Variants in GRB14 observed in about 807,000 individuals in gnomAD.
The protein encoded by GRB14 is growth factor receptor bound protein 14.
A neutral mutation model predicts 69.1 loss-of-function variants in GRB14; 38 were observed. The observed-to-expected ratio is 0.55, with a 90% CI of 0.42 to 0.72. GRB14 has a LOEUF of 0.72. Ranked by LOEUF, GRB14 falls within the 30% of genes least tolerant of loss-of-function variation. The probability of loss-of-function intolerance (pLI) is 0.00; values close to 1 mark genes in which losing one functional copy is unlikely to be tolerated. For synonymous variants in GRB14, 247 were observed against 241.3 expected, an observed-to-expected ratio of 1.02 and a Z score of -0.22; for missense variants, 666 against 666.1, an observed-to-expected ratio of 1.00 and a Z score of 0.00.
In GRB14 at chr2:164,508,474, G is replaced by T; in HGVS notation, c.1004C>A (p.Thr335Asn). The stretch of plus-strand genomic sequence containing the variant: ...GATTACCTTAAGCAATCTAATCGCG[G>T]TCACCCAGCACGTCCTACTCTGCTC... ...EEEQSRTCWV[T>N]AIRLLKYGMQ... Residue 335 changes from threonine to asparagine, a missense_variant, in exon 8 of 14, where the codon ACC becomes AAC. Physicochemically the swap from Thr to Asn is moderately conservative, Grantham distance 65. Coordinates refer to ENST00000263915, the MANE Select transcript of GRB14 (RefSeq NM_004490.3). The T allele has an allele frequency of 4.3e-6, 7 of 1,613,902 alleles. No homozygotes were observed. Among genetic ancestry groups the T allele is most frequent in the Non-Finnish European group, 5.9e-6 (7 of 1,179,900 alleles).
chr2:164,595,991 G>A (rs6750879), intron 2 of GRB14, among the ~76,000 whole-genome samples: 27,033 of 151,996 alleles, frequency 0.18, 2,867 homozygotes, highest in African/African-American at 0.29. Context: ...GTGCTTGGTG[G>A]CATGCGCCTG....
chr2:164,513,281 T>G (rs1303290046), intron 6 of GRB14, among the ~76,000 whole-genome samples: 1 of 152,060 alleles, frequency 6.6e-6, no homozygotes, highest in Non-Finnish European at 1.5e-5. Flanking sequence ...AATGGCTTTC[T>G]GTAGTGGATT....
chr2:164,556,135 T>C lies in GRB14; in HGVS notation c.325-8319A>G, dbSNP rs542213045. ...GAAAGAAAAGGAATGGGAAGCAATG[T>C]AGTCATTATTACTTATTCCAAATCT... On this transcript the variant is annotated intron_variant, in intron 2 of 13. Transcript: ENST00000263915. Among the ~76,000 whole-genome samples the C allele has an allele frequency of 3.9e-5, 6 of 152,292 alleles. No individual in the cohort carries two copies. The South Asian group carries it at 1.0e-3, about 26-fold the overall frequency.
intron 2 of GRB14, among the ~76,000 whole-genome samples, chr2:164,571,782 C>G (rs1295359936): frequency 6.6e-6 from 1 of 152,126 alleles, no homozygotes; most frequent in Non-Finnish European, 1.5e-5. Flanking sequence ...AGAACTTGAC[C>G]AAGTTCACAA....
chr2:164,583,303 T>C (rs1689457515), intron 2 of GRB14, among the ~76,000 whole-genome samples: 2 of 151,112 alleles, frequency 1.3e-5, no homozygotes, highest in African/African-American at 2.4e-5. Flanking sequence ...TAGAAGAAAA[T>C]TAACCTCAAA....
chr2:164,602,891 A>G (rs544543558), intron 2 of GRB14, among the ~76,000 whole-genome samples: 1 of 152,326 alleles, frequency 6.6e-6, no homozygotes, highest in South Asian at 2.1e-4. Flanking sequence ...TGTTATTTGA[A>G]GCTAGCTATT....
At position 164,527,021 on chromosome 2, in the gene GRB14, T is replaced by C. The variant is rs757457176; in HGVS notation, c.596A>G (p.Asn199Ser). 1.9e-6 allele frequency: 3 copies of C among 1,592,700 alleles called. No homozygotes were observed. Among genetic ancestry groups the C allele is most frequent in the Non-Finnish European group, 1.7e-6 (2 of 1,166,120 alleles). The change falls in exon 4 of 14, where the codon AAC becomes AGC. Residue 199 changes from asparagine (N) to serine (S), a missense_variant. Coordinates refer to ENST00000263915, the MANE Select transcript of GRB14 (RefSeq NM_004490.3). Reference protein sequence around the residue: ...KNYAKYEFFKNPMYFFPEHMV... With the variant: ...KNYAKYEFFKSPMYFFPEHMV... ...AGGAGGGATTTCACTTACCATTGGG[T>C]TTTTAAAGAACTCATATTTGGCATA... is the stretch of plus-strand genomic sequence containing the variant.
chr2:164,591,249 C>T (rs1046623758), intron 2 of GRB14, among the ~76,000 whole-genome samples: 1 of 152,100 alleles, frequency 6.6e-6, no homozygotes, highest in African/African-American at 2.4e-5. Context: ...TTTCTATTGT[C>T]ATCATACCAC....
At chr2:164,594,143 T>C (rs1475228901) in intron 2 of GRB14, among the ~76,000 whole-genome samples, 2 of 150,952 alleles carry the variant, frequency 1.3e-5, no homozygotes, top group Non-Finnish European at 2.9e-5. Context: ...TTACAGTCTG[T>C]CTAATAAAAA....
chr2:164,539,795 A>G (rs955008945), intron 3 of GRB14: 3 of 152,118 alleles, frequency 2.0e-5, no homozygotes, highest in Non-Finnish European at 4.4e-5. Context: ...CACAAACACT[A>G]AATCTCATAA....
At chr2:164,618,612 C>T (rs763408250) in intron 2 of GRB14, among the ~76,000 whole-genome samples, 40 of 152,106 alleles carry the variant, frequency 2.6e-4, no homozygotes, top group Non-Finnish European at 5.0e-4. Context: ...TCAAGCCCCT[C>T]CCCCCAAAAA....
rs942679138 is a variant in GRB14 at position 164,547,942 on chromosome 2, G to C, written c.325-126C>G. The C allele has an allele frequency of 7.3e-5, 43 of 585,290 alleles. No individual in the cohort carries two copies. The Middle Eastern group carries it at 3.4e-3, about 46-fold the overall frequency. 36.3% of individuals were successfully genotyped at this position (585,290 alleles called of 1,614,324 possible). A position where few individuals can be genotyped will look rare whatever the true frequency, so the allele number is the denominator to read the frequency against. ...ATATATATAAATAAATAGCAAAATG[G>C]TTATATAGTAAAACAAATTAACATG... On this transcript the variant is annotated intron_variant, in intron 2 of 13. Transcript: ENST00000263915.
At chr2:164,560,264 A>G (rs555857864) in intron 2 of GRB14, among the ~76,000 whole-genome samples, 1 of 152,352 alleles carries the variant, frequency 6.6e-6, no homozygotes, top group South Asian at 2.1e-4. Flanking sequence ...ATGTATACAT[A>G]CATATATCCC....
chr2:164,619,235 A>G (rs1220333926), intron 2 of GRB14, among the ~76,000 whole-genome samples: 1 of 152,186 alleles, frequency 6.6e-6, no homozygotes, highest in Non-Finnish European at 1.5e-5. Flanking sequence ...CCACAGCATC[A>G]CTATATCACT....
At chr2:164,591,281 C>A (rs1002763902) in intron 2 of GRB14, among the ~76,000 whole-genome samples, 4 of 152,156 alleles carry the variant, frequency 2.6e-5, no homozygotes, top group Admixed American at 2.0e-4. Context: ...CCACTTCAGT[C>A]CATTAAGTAA....
intron 9 of GRB14, 136 bp downstream of exon 9, chr2:164,502,119 A>G: frequency 2.0e-6 from 1 of 499,886 alleles, no homozygotes; most frequent in Non-Finnish European, 3.7e-6. Context: ...GTAACATTAT[A>G]CTAGAATGGT....
intron 4 of GRB14, 43 bp from the exon 5 acceptor site, chr2:164,525,121 G>C (rs1327148655): frequency 7.9e-7 from 1 of 1,273,784 alleles, no homozygotes; most frequent in Non-Finnish European, 1.1e-6. Flanking sequence ...ATTCATGCTA[G>C]AAAAGATTCA....
chr2:164,604,478 T>C (rs1333174757), intron 2 of GRB14, among the ~76,000 whole-genome samples: 1 of 152,020 alleles, frequency 6.6e-6, no homozygotes, highest in Non-Finnish European at 1.5e-5. Context: ...TTAGGACACA[T>C]TATAGTATTA....
intron 2 of GRB14, among the ~76,000 whole-genome samples, chr2:164,603,571 G>A (rs1424879251): frequency 6.6e-6 from 1 of 151,880 alleles, no homozygotes; most frequent in African/African-American, 2.4e-5. Context: ...GTCTGAGGCA[G>A]GAGAGTCACT....
Sources: gnomAD v4.1 joint callset for allele counts (sites outside exome capture counted in the v4.1 genomes callset) on GRCh38, gnomAD v4.1.1 for gene constraint, MANE v1.5 for transcripts, NCBI Gene and HGNC (gene_info 2026-07-23, HGNC 2026-07-21) for gene names.